The following NCKIPSD variants were observed in gnomAD, a reference collection of about 807,000 sequenced individuals.
The protein encoded by NCKIPSD is NCK-interacting protein with SH3 domain.
A neutral mutation model predicts 73.4 loss-of-function variants in NCKIPSD; 48 were observed. That is an observed-to-expected ratio of 0.65 (90% CI 0.52 to 0.83). The LOEUF is 0.83. NCKIPSD is among the 40% of genes least tolerant of loss of function. The pLI is 0.00. For missense variants in NCKIPSD, 884 were observed against 970.2 expected (o/e 0.91, Z 1.18); for synonymous variants, 422 against 403.6 (o/e 1.05, Z -0.54).
At chr3:48,677,293 C>A (rs1487769045) in intron 12 of NCKIPSD, among the ~76,000 whole-genome samples, 1 of 151,798 alleles carries the variant, frequency 6.6e-6, no homozygotes, top group African/African-American at 2.4e-5. Flanking sequence ...GAGGCTGAGG[C>A]AGGAGAATCA....
At chr3:48,682,582 G>T in intron 2 of NCKIPSD, 30 bp from the exon 3 acceptor site, 1 of 1,608,746 alleles carries the variant, frequency 6.2e-7, no homozygotes, top group Non-Finnish European at 8.5e-7. Context: ...ACTATTGGGG[G>T]GTTGCATCTC....
rs775538634 is a variant in NCKIPSD, at chr3:48,679,570, C to T, written c.1489+5G>A. Reference sequence around the variant, plus strand: ...GTTCCCTCCTACCCCGCCCTCCAGCCTCACCCTGCGTGTCTGTCTGCATGT... The same window carrying T: ...GTTCCCTCCTACCCCGCCCTCCAGCTTCACCCTGCGTGTCTGTCTGCATGT... On this transcript the variant is annotated splice_donor_5th_base_variant and intron_variant, in intron 8 of 12. Coordinates refer to ENST00000294129, the MANE Select transcript of NCKIPSD (RefSeq NM_016453.4). 6.2e-7 allele frequency: 1 copy of T among 1,613,828 alleles called. No individual in the cohort carries two copies. The highest frequency in any genetic ancestry group is 8.5e-7 in the Non-Finnish European group (1 of 1,179,748).
intron 1 of NCKIPSD, among the ~76,000 whole-genome samples, chr3:48,684,485 G>C: frequency 6.6e-6 from 1 of 152,218 alleles, no homozygotes; most frequent in Admixed American, 6.5e-5. Context: ...CACGCCAAGG[G>C]TCTATGAGGA....
In NCKIPSD at chr3:48,685,837, T is replaced by C. The variant is rs1308382523; in HGVS notation, c.-30A>G. The C allele has an allele frequency of 2.9e-6, 4 of 1,390,428 alleles. No homozygotes were observed. Among genetic ancestry groups the C allele is most frequent in the Non-Finnish European group, 3.7e-6 (4 of 1,077,972 alleles). 86.1% of individuals were successfully genotyped at this position (1,390,428 alleles called of 1,614,324 possible). On this transcript the variant is annotated 5_prime_UTR_variant, in exon 1 of 13. Coordinates refer to ENST00000294129, the MANE Select transcript of NCKIPSD (RefSeq NM_016453.4). ...CCGGGCAGGGCAGGTGCAGGGAAGG[T>C]GGCAAGGGCTGCGGCGCCACAACGC...
In NCKIPSD at chr3:48,682,593, A is replaced by G. The variant is rs745393405; in HGVS notation, c.282-41T>C. ...GAAGACTATTGGGGGGTTGCATCTCACAGCTCAAAGTCCTCATATGCCCCT... is the reference window on the plus strand; with the variant it reads ...GAAGACTATTGGGGGGTTGCATCTCGCAGCTCAAAGTCCTCATATGCCCCT... On this transcript the variant is annotated intron_variant, in intron 2 of 12. Transcript: ENST00000294129. 8.7e-6 allele frequency: 14 copies of G among 1,600,230 alleles called. No homozygotes were observed. The South Asian group carries it at 1.2e-4, about 14-fold the overall frequency.
At chr3:48,675,553 T>G (rs1431470383) in intron 12 of NCKIPSD, among the ~76,000 whole-genome samples, 1 of 145,446 alleles carries the variant, frequency 6.9e-6, no homozygotes, top group East Asian at 2.0e-4. Flanking sequence ...ATATCATTTT[T>G]TTTTTTGAGA....
chr3:48,685,815 G>C lies in NCKIPSD; in HGVS notation c.-8C>G, dbSNP rs1169581267. 3 of 1,470,126 alleles carry C rather than the reference G, an allele frequency of 2.0e-6. No homozygotes were observed. The African/African-American group carries it at 4.4e-5, about 21-fold the overall frequency. The allele number at this position is 1,470,126 out of a possible 1,614,324, so 91.1% of individuals were successfully genotyped here. On this transcript the variant is annotated 5_prime_UTR_variant, in exon 1 of 13. Coordinates refer to ENST00000294129, the MANE Select transcript of NCKIPSD (RefSeq NM_016453.4). ...GTACAGCGCGCGGTACATGAGGCCG[G>C]GCAGGGCAGGTGCAGGGAAGGTGGC...
rs149862827 is a variant in NCKIPSD at position 48,679,711 on chromosome 3, T to C, written c.1353A>G (p.Glu451=). The change falls in exon 8 of 13, where the codon GAA becomes GAG. Residue 451 remains glutamate, a splice_region_variant and synonymous_variant. Coordinates refer to ENST00000294129, the MANE Select transcript of NCKIPSD (RefSeq NM_016453.4). ...GCAGCAGCCGCAGTGATGCTCGGTG[T>C]TCCTGGCAGGGAACCCTGCGTGCTC... ...VLALVAYYQM[E]HRASLRLLLL... is the part of the protein sequence containing the mutation. 2.5e-6 allele frequency: 4 copies of C among 1,613,984 alleles called. No individual in the cohort carries two copies. Among genetic ancestry groups the C allele is most frequent in the Non-Finnish European group, 3.4e-6 (4 of 1,180,006 alleles).
intron 12 of NCKIPSD, among the ~76,000 whole-genome samples, chr3:48,676,646 A>G (rs2077260338): frequency 6.6e-6 from 1 of 152,046 alleles, no homozygotes. Flanking sequence ...ATGCCCAGCT[A>G]ATTTTATTTT....
chr3:48,675,530 T>TAG (rs1278297433), intron 12 of NCKIPSD, among the ~76,000 whole-genome samples: 4 of 137,208 alleles, frequency 2.9e-5, no homozygotes, highest in African/African-American at 1.1e-4. Context: ...ATATATATGA[T>TAG]ATATATATAT....
chr3:48,679,784 C>T lies in NCKIPSD; in HGVS notation c.1350+17G>A, dbSNP rs557175125. The T allele has an allele frequency of 6.2e-7, 1 of 1,614,222 alleles. No homozygotes were observed. The highest frequency in any genetic ancestry group is 8.5e-7 in the Non-Finnish European group (1 of 1,180,016). On this transcript the variant is annotated intron_variant, in intron 7 of 12. Coordinates refer to ENST00000294129, the MANE Select transcript of NCKIPSD (RefSeq NM_016453.4). ...TCTAGGTCTCTCCATTACCCCTCCC[C>T]TCCATCCTGCACATACCATTTGGTA...
chr3:48,683,740 G>A (rs967647867), intron 1 of NCKIPSD, among the ~76,000 whole-genome samples: 14 of 152,140 alleles, frequency 9.2e-5, no homozygotes, highest in Non-Finnish European at 1.9e-4. Flanking sequence ...ATCTGACATG[G>A]GGAGTGTAGG....
chr3:48,684,817 T>C (rs1211917869), intron 1 of NCKIPSD, among the ~76,000 whole-genome samples: 1 of 152,062 alleles, frequency 6.6e-6, no homozygotes, highest in Admixed American at 6.5e-5. Context: ...ACTCACTTCA[T>C]CACAATGTGA....
At chr3:48,680,810 C>T (rs1320849389) in intron 5 of NCKIPSD, among the ~76,000 whole-genome samples, 11 of 152,182 alleles carry the variant, frequency 7.2e-5, no homozygotes, top group Admixed American at 7.2e-4. Context: ...ACCTCACTCC[C>T]TCTCATCCAT....
chr3:48,679,176 C>G lies in NCKIPSD; in HGVS notation c.1578G>C (p.Leu526=). 6.2e-7 allele frequency: 1 copy of G among 1,613,988 alleles called. No individual in the cohort carries two copies. Among genetic ancestry groups the G allele is most frequent in the Non-Finnish European group, 8.5e-7 (1 of 1,179,958 alleles). Residue 526 remains leucine, a synonymous_variant, in exon 10 of 13, where the codon CTG becomes CTC. Transcript: ENST00000294129. Reference sequence around the variant, plus strand: ...GTAGGAACTGGGCGAAAGGCGTGCCCAGGTGCTCTGGGAGAGGGGCGCACA... The same window carrying G: ...GTAGGAACTGGGCGAAAGGCGTGCCGAGGTGCTCTGGGAGAGGGGCGCACA... The part of the protein sequence containing the change: ...EAVPYAHYEH[L]GTPFAQFLLN...
rs115864799 is a variant in NCKIPSD at position 48,674,194 on chromosome 3, C to T, written c.*350G>A. 1.4e-3 allele frequency: 1,634 copies of T among 1,200,912 alleles called. 19 individuals are homozygous for T. In the African/African-American group the frequency reaches 0.023, roughly 17 times the overall value. 74.4% of individuals were successfully genotyped at this position (1,200,912 alleles called of 1,614,324 possible). ...GCATGGCTTGCTGAGGCCCAGGATACAGACCAGGAGGGGTGGGGATGGGGG... is the reference window on the plus strand; with the variant it reads ...GCATGGCTTGCTGAGGCCCAGGATATAGACCAGGAGGGGTGGGGATGGGGG... On this transcript the variant is annotated 3_prime_UTR_variant, in exon 13 of 13. Coordinates refer to ENST00000294129, the MANE Select transcript of NCKIPSD (RefSeq NM_016453.4).
chr3:48,681,683 T>A lies in NCKIPSD; in HGVS notation c.696A>T (p.Pro232=). The A allele has an allele frequency of 1.3e-6, 2 of 1,598,990 alleles. No individual in the cohort carries two copies. Among genetic ancestry groups the A allele is most frequent in the Non-Finnish European group, 1.7e-6 (2 of 1,172,738 alleles). The change falls in exon 5 of 13, where the codon CCA becomes CCT. Residue 232 remains proline, a synonymous_variant. Transcript: ENST00000294129. ...GTGAGCAGCTGGAGCCTGGTTCAGA[T>A]GGGCTGGAGCTGGTATAGAGCGTGT... is the stretch of plus-strand genomic sequence containing the variant. ...SLDTLYTSSS[P]SEPGSSCSPT... is the part of the protein sequence containing the mutation.
rs972258433 is a variant in NCKIPSD at position 48,674,069 on chromosome 3, G to A, written c.*475C>T. On this transcript the variant is annotated 3_prime_UTR_variant, in exon 13 of 13. Coordinates refer to ENST00000294129, the MANE Select transcript of NCKIPSD (RefSeq NM_016453.4). ...TCTGGGGGTAGGAGTGAAGGGCAGC[G>A]ACCCCCATGTGCGGGTGGAGGGGAG... is the stretch of plus-strand genomic sequence containing the variant. The A allele has an allele frequency of 1.9e-6, 2 of 1,076,768 alleles. No homozygotes were observed. Among genetic ancestry groups the A allele is most frequent in the African/African-American group, 1.6e-5 (1 of 61,516 alleles). The allele number at this position is 1,076,768 out of a possible 1,614,324, so 66.7% of individuals were successfully genotyped here.
chr3:48,683,182 A>G, intron 1 of NCKIPSD, 170 bp from the exon 2 acceptor site: 1 of 1,268,374 alleles, frequency 7.9e-7, no homozygotes, highest in Non-Finnish European at 1.1e-6. Context: ...CTCAAACTGT[A>G]TCACTCAGGG....
Sources: gnomAD v4.1 joint callset for allele counts (sites outside exome capture counted in the v4.1 genomes callset) on GRCh38, gnomAD v4.1.1 for gene constraint, MANE v1.5 for transcripts, NCBI Gene and HGNC (gene_info 2026-07-23, HGNC 2026-07-21) for gene names.